The following RBPJ variants were observed in gnomAD, a reference collection of about 807,000 sequenced individuals.
The protein encoded by RBPJ is recombination signal binding protein for immunoglobulin kappa J region.
RBPJ carries 9 observed loss-of-function variants against 67.8 expected under a neutral mutation model. The ratio of observed to expected loss-of-function variants is 0.13; its 90% CI spans 0.08 to 0.23. The LOEUF (loss-of-function observed/expected upper bound fraction) is 0.23. RBPJ is among the 10% of genes least tolerant of loss of function. RBPJ has a pLI of 1.00. For missense variants in RBPJ, 305 were observed against 595.6 expected (o/e 0.51, Z 5.08); for synonymous variants, 198 against 203.3 (o/e 0.97, Z 0.22).
At chr4:26,265,551 T>C (rs1421075039) in intron 1 of RBPJ, among the ~76,000 whole-genome samples, 1 of 151,902 alleles carries the variant, frequency 6.6e-6, no homozygotes, top group Non-Finnish European at 1.5e-5. Flanking sequence ...ATGAAAAGTC[T>C]ATGTGGGCAT....
At chr4:26,177,165 T>C (rs1304770767) in intron 1 of RBPJ, among the ~76,000 whole-genome samples, 1 of 152,168 alleles carries the variant, frequency 6.6e-6, no homozygotes, top group Non-Finnish European at 1.5e-5. Flanking sequence ...ACTGTGACTT[T>C]GTGCATAGGA....
chr4:26,140,370 A>G, the RBPJ span, among the ~76,000 whole-genome samples: 2 of 152,280 alleles, frequency 1.3e-5, no homozygotes, highest in African/African-American at 4.8e-5. Context: ...ATCAGCAAAA[A>G]TAACATTTTA....
upstream of RBPJ, among the ~76,000 whole-genome samples, chr4:26,318,639 GTTTATTTA>G (rs34245556): frequency 1.2e-4 from 18 of 152,124 alleles, no homozygotes; most frequent in African/African-American, 3.4e-4. Flanking sequence ...GCGCAGAGCT[GTTTATTTA>G]TTTATTTATT....
At chr4:26,167,785 G>C (rs1458684602) in intron 1 of RBPJ, among the ~76,000 whole-genome samples, 1 of 149,466 alleles carries the variant, frequency 6.7e-6, no homozygotes, top group Non-Finnish European at 1.5e-5. Flanking sequence ...GGGCATCCCT[G>C]TCTTGTGCCA....
At chr4:26,284,858 CT>C (rs747370926) in intron 1 of RBPJ, among the ~76,000 whole-genome samples, 22 of 146,974 alleles carry the variant, frequency 1.5e-4, no homozygotes, top group Admixed American at 3.4e-4. Context: ...TTAAACTTAA[CT>C]TTTTTTTTTT....
At chr4:26,330,609 A>C (rs148818249) in intron 1 of RBPJ, among the ~76,000 whole-genome samples, 56 of 152,372 alleles carry the variant, frequency 3.7e-4, no homozygotes, top group African/African-American at 1.3e-3. Flanking sequence ...AGAAAGAAGC[A>C]GAATGGAAGC....
chr4:26,429,826 C>T, intron 8 of RBPJ, 72 bp from the exon 9 acceptor site: 2 of 1,295,196 alleles, frequency 1.5e-6, no homozygotes, highest in Non-Finnish European at 2.2e-6. Flanking sequence ...CTGAGGGTTA[C>T]TTGGTAAAAT....
upstream of RBPJ, among the ~76,000 whole-genome samples, chr4:26,316,786 A>G (rs1722661717): frequency 7.8e-6 from 1 of 128,364 alleles, no homozygotes; most frequent in Non-Finnish European, 1.6e-5. Context: ...AGTAAAGGAA[A>G]CTCTTAAGTG....
the RBPJ span, chr4:26,113,420 T>C: frequency 7.3e-6 from 4 of 547,372 alleles, no homozygotes; most frequent in Admixed American, 6.4e-5. Context: ...ATGTACTGAA[T>C]GGGGAAAAGC....
chr4:26,124,991 A>G, the RBPJ span, among the ~76,000 whole-genome samples: 1 of 152,048 alleles, frequency 6.6e-6, no homozygotes, highest in Non-Finnish European at 1.5e-5. Context: ...CACCCCTAAG[A>G]TGTTGTCTTC....
At chr4:26,367,202 G>A (rs1358402947) in intron 1 of RBPJ, among the ~76,000 whole-genome samples, 3 of 151,738 alleles carry the variant, frequency 2.0e-5, no homozygotes, top group African/African-American at 7.3e-5. Context: ...ATCAGTTCAG[G>A]CCAAGTGCAG....
intron 2 of RBPJ, among the ~76,000 whole-genome samples, chr4:26,390,325 T>C (rs1282468578): frequency 2.0e-5 from 3 of 152,184 alleles, no homozygotes; most frequent in Non-Finnish European, 4.4e-5. Flanking sequence ...TGGATGTTTT[T>C]CCTCTAACAT....
the RBPJ span, among the ~76,000 whole-genome samples, chr4:26,116,889 GTC>G: frequency 6.6e-6 from 1 of 152,204 alleles, no homozygotes; most frequent in African/African-American, 2.4e-5. Context: ...GGTCCCTGGA[GTC>G]TCTATAGATT....
chr4:26,218,970 GCCTCTTCAGGGCTATCCAGCC>G (rs1026842289), intron 1 of RBPJ, among the ~76,000 whole-genome samples: 3 of 152,324 alleles, frequency 2.0e-5, no homozygotes, highest in Admixed American at 6.5e-5. Context: ...CCCAGCCTGA[GCCTCTTCAGGGCTATCCAGCC>G]CCTAGTCCCC....
chr4:26,252,169 T>G (rs1452264422), intron 1 of RBPJ, among the ~76,000 whole-genome samples: 2 of 152,054 alleles, frequency 1.3e-5, no homozygotes, highest in African/African-American at 4.8e-5. Context: ...TTTTAGTGTA[T>G]CCATCATCTG....
At chr4:26,107,281 A>T in the RBPJ span, among the ~76,000 whole-genome samples, 2 of 152,270 alleles carry the variant, frequency 1.3e-5, no homozygotes, top group Admixed American at 6.5e-5. Flanking sequence ...CAAATTCAGG[A>T]CTCCTCCTAA....
chr4:26,340,799 C>T (rs1725435016), intron 1 of RBPJ, among the ~76,000 whole-genome samples: 1 of 149,684 alleles, frequency 6.7e-6, no homozygotes, highest in South Asian at 2.1e-4. Context: ...GCGGAGGTTG[C>T]AGTGAGCTGA....
intron 1 of RBPJ, among the ~76,000 whole-genome samples, chr4:26,267,063 C>T (rs1248722282): frequency 6.6e-6 from 1 of 152,140 alleles, no homozygotes; most frequent in African/African-American, 2.4e-5. Context: ...AAGTTGTCTC[C>T]TCTTTATTTC....
chr4:26,238,909 TGA>T (rs1171013964), intron 1 of RBPJ, among the ~76,000 whole-genome samples: 3 of 151,764 alleles, frequency 2.0e-5, no homozygotes, highest in Non-Finnish European at 2.9e-5. Context: ...AAGCAGCAGG[TGA>T]GAGAGCCACA....
Sources: gnomAD v4.1 joint callset for allele counts (sites outside exome capture counted in the v4.1 genomes callset) on GRCh38, gnomAD v4.1.1 for gene constraint, MANE v1.5 for transcripts, NCBI Gene and HGNC (gene_info 2026-07-23, HGNC 2026-07-21) for gene names.